PLEKHB2: variants seen among roughly 807,000 people sequenced by gnomAD.
PLEKHB2 encodes the protein pleckstrin homology domain containing B2, also known as pleckstrin homology domain-containing family B member 2.
PLEKHB2 carries 31 observed loss-of-function variants against 36.5 expected under a neutral mutation model. The ratio of observed to expected loss-of-function variants is 0.85; its 90% CI spans 0.64 to 1.15. PLEKHB2 has a LOEUF of 1.15. Among genes scored for constraint, PLEKHB2 ranks in the 50% most tolerant of loss-of-function variants. The probability of loss-of-function intolerance (pLI) is 0.00; values close to 1 mark genes in which losing one functional copy is unlikely to be tolerated. For missense variants in PLEKHB2, 262 were observed against 295.3 expected (o/e 0.89, Z 0.83); for synonymous variants, 119 against 112.0 (o/e 1.06, Z -0.39).
chr2:131,120,973 G>A lies in PLEKHB2; in HGVS notation c.32G>A (p.Arg11Gln). 1.5e-5 allele frequency: 24 copies of A among 1,614,102 alleles called. No homozygotes were observed. Among genetic ancestry groups the A allele is most frequent in the Non-Finnish European group, 2.0e-5 (24 of 1,179,926 alleles). ...TTTGTGAAGAGTGGCTGGTTGCTGCGACAGAGTGAGTACAGGATGTGCGGT... is the reference window on the plus strand; with the variant it reads ...TTTGTGAAGAGTGGCTGGTTGCTGCAACAGAGTGAGTACAGGATGTGCGGT... The part of the protein sequence containing the change: MAFVKSGWLL[R>Q]QSTILKRWKK... The change falls in exon 2 of 8, where the codon CGA becomes CAA. Residue 11 changes from arginine (R) to glutamine (Q), a missense_variant. Transcript: ENST00000693505.
At chr2:131,119,865 T>A (rs1029957901) in intron 1 of PLEKHB2, among the ~76,000 whole-genome samples, 2 of 152,302 alleles carry the variant, frequency 1.3e-5, no homozygotes, top group South Asian at 4.1e-4. Flanking sequence ...TTCTTTTTTC[T>A]GTGAACTGCT....
At chr2:131,126,560 G>C (rs1697126338) in intron 3 of PLEKHB2, 124 bp from the exon 4 acceptor site, 3 of 672,776 alleles carry the variant, frequency 4.5e-6, no homozygotes, top group Non-Finnish European at 8.0e-6. Flanking sequence ...AAAGGCAGAG[G>C]GTTCTTTCAT....
chr2:131,146,148 C>T (rs1381974884), intron 7 of PLEKHB2, among the ~76,000 whole-genome samples: 1 of 151,430 alleles, frequency 6.6e-6, no homozygotes, highest in African/African-American at 2.4e-5. Context: ...TGCCACTGCA[C>T]TCCAGCCTGG....
chr2:131,108,884 C>T (rs562841820), intron 1 of PLEKHB2, among the ~76,000 whole-genome samples: 1 of 152,298 alleles, frequency 6.6e-6, no homozygotes, highest in Non-Finnish European at 1.5e-5. Context: ...TATTATTTCA[C>T]CCAATTTTCC....
intron 1 of PLEKHB2, among the ~76,000 whole-genome samples, chr2:131,106,441 C>G (rs1694744899): frequency 6.6e-6 from 1 of 152,170 alleles, no homozygotes; most frequent in Admixed American, 6.5e-5. Context: ...AGGACCCGAG[C>G]TGGCACTGGT....
chr2:131,110,202 AC>A (rs1345780608), intron 1 of PLEKHB2, among the ~76,000 whole-genome samples: 2 of 152,040 alleles, frequency 1.3e-5, no homozygotes, highest in African/African-American at 4.8e-5. Context: ...ATCATAGAAG[AC>A]TTTTGCTGCC....
intron 7 of PLEKHB2, chr2:131,144,342 T>C (rs1275967706): frequency 4.5e-5 from 30 of 662,232 alleles, no homozygotes; most frequent in Admixed American, 8.7e-5. Flanking sequence ...TCTCCTATAA[T>C]GTGGGGTTGA....
intron 1 of PLEKHB2, 189 bp from the exon 2 acceptor site, chr2:131,120,745 G>A: frequency 7.5e-6 from 5 of 663,876 alleles, no homozygotes; most frequent in South Asian, 1.7e-5. Flanking sequence ...AGGAAGGGAG[G>A]GGGTACAGAG....
At chr2:131,141,708 A>G (rs561905078) in intron 7 of PLEKHB2, among the ~76,000 whole-genome samples, 146 of 152,202 alleles carry the variant, frequency 9.6e-4, no homozygotes, top group Non-Finnish European at 2.0e-3. Context: ...TGAGCCTAGC[A>G]CAAATACATT....
At chr2:131,118,127 G>A (rs757859692) in intron 1 of PLEKHB2, among the ~76,000 whole-genome samples, 7 of 152,114 alleles carry the variant, frequency 4.6e-5, no homozygotes, top group Admixed American at 2.0e-4. Context: ...CTGTCTCTGC[G>A]TCAGCTGCCC....
intron 6 of PLEKHB2, among the ~76,000 whole-genome samples, chr2:131,134,232 A>T (rs1286606532): frequency 7.2e-6 from 1 of 139,614 alleles, no homozygotes; most frequent in Non-Finnish European, 1.6e-5. Context: ...TGTTGCCTAT[A>T]CTGGAGTGCA....
intron 1 of PLEKHB2, 133 bp from the exon 2 acceptor site, chr2:131,120,801 G>C: frequency 2.5e-6 from 2 of 809,138 alleles, no homozygotes; most frequent in Middle Eastern, 4.5e-4. Context: ...TTAAATGCCA[G>C]GGGGGCACTG....
At chr2:131,130,048 C>CTT (rs879315607) in intron 4 of PLEKHB2, among the ~76,000 whole-genome samples, 1 of 149,152 alleles carries the variant, frequency 6.7e-6, no homozygotes, top group African/African-American at 2.5e-5. Flanking sequence ...TTCTTTTCTT[C>CTT]TTTTTTTTTT....
chr2:131,138,442 G>A (rs1266723425), intron 6 of PLEKHB2, among the ~76,000 whole-genome samples: 1 of 152,056 alleles, frequency 6.6e-6, no homozygotes, highest in African/African-American at 2.4e-5. Context: ...TGGTATAAAT[G>A]GCTTTTGATC....
chr2:131,136,224 C>T (rs1698243631), intron 6 of PLEKHB2, among the ~76,000 whole-genome samples: 1 of 141,532 alleles, frequency 7.1e-6, no homozygotes, highest in South Asian at 2.5e-4. Context: ...CTCTCCTCTC[C>T]TCTCTCCCCT....
intron 2 of PLEKHB2, among the ~76,000 whole-genome samples, chr2:131,123,766 A>ACTCCCCCCCCCCCCCCCCCCCCCCCCCCC (rs1696780168): frequency 8.7e-5 from 1 of 11,530 alleles, no homozygotes; most frequent in African/African-American, 3.2e-4. Flanking sequence ...CTCCTGGTCC[A>ACTCCCCCCCCCCCCCCCCCCCCCCCCCCC]CCCCCCCCAC....
chr2:131,133,046 C>T (rs1697877382), intron 6 of PLEKHB2, 55 bp downstream of exon 6: 4 of 1,133,400 alleles, frequency 3.5e-6, no homozygotes, highest in Middle Eastern at 2.0e-4. Flanking sequence ...CTGCTGCTGT[C>T]CTGCTTTGTT....
chr2:131,133,173 A>G (rs1697892968), intron 6 of PLEKHB2, among the ~76,000 whole-genome samples, 182 bp downstream of exon 6: 1 of 152,240 alleles, frequency 6.6e-6, no homozygotes, highest in South Asian at 2.1e-4. Context: ...AGTTCAGCAC[A>G]TTATAATGTG....
chr2:131,141,635 G>T (rs1447592900), intron 7 of PLEKHB2, among the ~76,000 whole-genome samples: 1 of 124,418 alleles, frequency 8.0e-6, no homozygotes, highest in African/African-American at 3.4e-5. Context: ...ACGAGACTCC[G>T]TCTCAAAAAA....
Sources: allele counts gnomAD v4.1 joint callset (sites outside exome capture counted in the v4.1 genomes callset), GRCh38; gene constraint gnomAD v4.1.1; transcripts MANE v1.5; gene names NCBI Gene and HGNC (gene_info 2026-07-23, HGNC 2026-07-21).